Variants in CPNE4 observed in about 807,000 individuals in gnomAD.
The protein encoded by CPNE4 is copine-4.
A neutral mutation model predicts 67.9 loss-of-function variants in CPNE4; 25 were observed. The observed-to-expected ratio is 0.37, with a 90% CI of 0.27 to 0.51. CPNE4 has a LOEUF of 0.51. CPNE4 is among the 20% of genes least tolerant of loss of function. The probability of loss-of-function intolerance (pLI) is 0.93; values close to 1 mark genes in which losing one functional copy is unlikely to be tolerated. For missense variants in CPNE4, 464 were observed against 690.8 expected (o/e 0.67, Z 3.68); for synonymous variants, 242 against 244.9 (o/e 0.99, Z 0.11).
chr3:131,715,976 T>C (rs1230227928), intron 3 of CPNE4, among the ~76,000 whole-genome samples: 1 of 152,174 alleles, frequency 6.6e-6, no homozygotes, highest in Non-Finnish European at 1.5e-5. Flanking sequence ...TATGTCCTCG[T>C]GATGCATCCC....
At chr3:131,574,952 GA>G (rs1352997134) in intron 10 of CPNE4, 118 bp downstream of exon 10, 6 of 812,168 alleles carry the variant, frequency 7.4e-6, no homozygotes, top group Non-Finnish European at 1.0e-5. Context: ...AATGAGACTT[GA>G]ACAAAGCTGC....
chr3:131,553,103 T>C (rs1042754960), intron 12 of CPNE4, among the ~76,000 whole-genome samples: 1 of 152,130 alleles, frequency 6.6e-6, no homozygotes, highest in East Asian at 1.9e-4. Context: ...GCAGAACCTA[T>C]GCACAAGGTC....
intron 10 of CPNE4, among the ~76,000 whole-genome samples, chr3:131,566,760 T>C (rs901138848): frequency 6.6e-6 from 1 of 151,936 alleles, no homozygotes; most frequent in African/African-American, 2.4e-5. Context: ...TAAGGGATAA[T>C]GGCACCTTGC....
chr3:131,650,264 C>A (rs1159381823), intron 7 of CPNE4, among the ~76,000 whole-genome samples: 1 of 152,104 alleles, frequency 6.6e-6, no homozygotes, highest in Non-Finnish European at 1.5e-5. Flanking sequence ...AGAAAGATAT[C>A]CCATCACCTT....
intron 2 of CPNE4, among the ~76,000 whole-genome samples, chr3:131,736,428 T>C (rs944703980): frequency 2.0e-5 from 3 of 151,778 alleles, no homozygotes; most frequent in Non-Finnish European, 2.9e-5. Context: ...GAGACCATGC[T>C]GGCCAGCATG....
intron 6 of CPNE4, among the ~76,000 whole-genome samples, chr3:131,675,763 A>G (rs113197230): frequency 7.1e-5 from 4 of 56,068 alleles, no homozygotes; most frequent in Non-Finnish European, 1.9e-4. Context: ...CGGCAACCCT[A>G]TGTCTTTTTA....
At chr3:131,700,077 T>TTTTTTTTTTTTTTTTTTTTA (rs2081258949) in intron 3 of CPNE4, 97 bp from the exon 4 acceptor site, 1 of 552,476 alleles carries the variant, frequency 1.8e-6, no homozygotes, top group African/African-American at 2.4e-5. Flanking sequence ...TTTTTTTTTT[T>TTTTTTTTTTTTTTTTTTTTA]ACAAAACTCT....
intron 1 of CPNE4, among the ~76,000 whole-genome samples, chr3:132,015,673 A>C (rs1310699218): frequency 1.3e-5 from 2 of 152,204 alleles, no homozygotes; most frequent in African/African-American, 4.8e-5. Flanking sequence ...GAGGACAAAA[A>C]TCAAAAGGCC....
At chr3:131,555,620 A>G in intron 11 of CPNE4, 69 bp from the exon 12 acceptor site, 1 of 1,289,190 alleles carries the variant, frequency 7.8e-7, no homozygotes, top group Non-Finnish European at 1.1e-6. Flanking sequence ...AGAAAGAAAA[A>G]CATTAACCTA....
chr3:131,879,573 T>C (rs895858513), intron 2 of CPNE4, among the ~76,000 whole-genome samples: 3 of 152,096 alleles, frequency 2.0e-5, no homozygotes, highest in Non-Finnish European at 2.9e-5. Context: ...CTGAGTGCTA[T>C]TGAACACCAT....
At chr3:131,910,121 G>A (rs930210272) in intron 1 of CPNE4, among the ~76,000 whole-genome samples, 1 of 152,030 alleles carries the variant, frequency 6.6e-6, no homozygotes, top group African/African-American at 2.4e-5. Context: ...TTTTCCCATT[G>A]ATTCTACTTT....
At chr3:131,957,744 T>C (rs2072019581) in intron 1 of CPNE4, among the ~76,000 whole-genome samples, 1 of 152,198 alleles carries the variant, frequency 6.6e-6, no homozygotes, top group African/African-American at 2.4e-5. Context: ...ACAGCCTCTG[T>C]ATTCAAGGAG....
At chr3:131,591,022 A>T (rs1329880439) in intron 7 of CPNE4, among the ~76,000 whole-genome samples, 2 of 152,218 alleles carry the variant, frequency 1.3e-5, no homozygotes, top group African/African-American at 4.8e-5. Flanking sequence ...CACTGTGATC[A>T]TCACATTGTA....
chr3:131,616,402 C>T (rs1354289849), intron 7 of CPNE4, among the ~76,000 whole-genome samples: 5 of 152,118 alleles, frequency 3.3e-5, no homozygotes, highest in Non-Finnish European at 7.4e-5. Context: ...GACTGTGAGC[C>T]CTGGCTGTTC....
At chr3:131,797,943 C>T (rs538220570) in intron 2 of CPNE4, among the ~76,000 whole-genome samples, 68 of 152,218 alleles carry the variant, frequency 4.5e-4, no homozygotes, top group East Asian at 1.4e-3. Context: ...TATAGGTACC[C>T]GCCAATTTGG....
At chr3:131,928,655 A>T (rs1238425334) in intron 1 of CPNE4, among the ~76,000 whole-genome samples, 1 of 152,210 alleles carries the variant, frequency 6.6e-6, no homozygotes, top group African/African-American at 2.4e-5. Context: ...AGGAAACAGA[A>T]CTGTGTCCTG....
chr3:131,733,643 T>G (rs1016338675), intron 2 of CPNE4, among the ~76,000 whole-genome samples: 2 of 152,092 alleles, frequency 1.3e-5, no homozygotes, highest in Non-Finnish European at 2.9e-5. Context: ...AGCAGGAAGG[T>G]GTTGGATTGC....
intron 2 of CPNE4, among the ~76,000 whole-genome samples, chr3:131,791,658 T>C (rs2083725636): frequency 6.6e-6 from 1 of 152,212 alleles, no homozygotes; most frequent in Admixed American, 6.5e-5. Context: ...CAGATGGAAC[T>C]GGAAGATCTG....
intron 2 of CPNE4, among the ~76,000 whole-genome samples, chr3:131,860,612 T>G (rs753291597): frequency 4.6e-5 from 7 of 152,206 alleles, no homozygotes; most frequent in Admixed American, 3.9e-4. Context: ...TACATGGCCT[T>G]AGGTCAGATA....
Sources: allele counts gnomAD v4.1 joint callset (sites outside exome capture counted in the v4.1 genomes callset), GRCh38; gene constraint gnomAD v4.1.1; transcripts MANE v1.5; gene names NCBI Gene and HGNC (gene_info 2026-07-23, HGNC 2026-07-21).